EMC3: variants seen among roughly 807,000 people sequenced by gnomAD.
EMC3 encodes the protein ER membrane protein complex subunit 3, also known as 30 kDa protein.
Under a neutral mutation model 36.6 loss-of-function variants are expected in EMC3, and 13 were observed. The observed-to-expected ratio is 0.35, with a 90% CI of 0.23 to 0.56. EMC3 has a LOEUF of 0.56. Ranked by LOEUF, EMC3 falls within the 20% of genes least tolerant of loss-of-function variation. The probability of loss-of-function intolerance (pLI) is 0.84; values close to 1 mark genes in which losing one functional copy is unlikely to be tolerated. For synonymous variants in EMC3, 120 were observed against 111.9 expected (o/e 1.07, Z -0.46); for missense variants, 220 against 324.5 (o/e 0.68, Z 2.47).
At chr3:9,998,418 A>G (rs780725559) in intron 1 of EMC3, among the ~76,000 whole-genome samples, 11 of 143,150 alleles carry the variant, frequency 7.7e-5, no homozygotes, top group Non-Finnish European at 1.1e-4. Context: ...TTTTGCTTTT[A>G]ATGAATTAAT....
intron 1 of EMC3, among the ~76,000 whole-genome samples, chr3:9,992,299 A>G (rs1575692835): frequency 6.6e-6 from 1 of 150,836 alleles, no homozygotes; most frequent in Non-Finnish European, 1.5e-5. Flanking sequence ...TTTTTTTTGT[A>G]TTTTTTAGTA....
chr3:9,997,388 A>G (rs2086139695), intron 1 of EMC3, among the ~76,000 whole-genome samples: 1 of 151,864 alleles, frequency 6.6e-6, no homozygotes, highest in Admixed American at 6.6e-5. Flanking sequence ...TTCAAGGTTC[A>G]TGTATGTTGT....
intron 3 of EMC3, among the ~76,000 whole-genome samples, chr3:9,975,587 C>A (rs1985124): frequency 6.6e-6 from 1 of 151,294 alleles, no homozygotes; most frequent in Admixed American, 6.6e-5. Flanking sequence ...CCAAGGCGGG[C>A]GGATCACGAG....
At chr3:9,988,266 G>T (rs2086002664), upstream of EMC3, 2 of 637,366 alleles carry the variant, frequency 3.1e-6, no homozygotes, top group South Asian at 3.3e-5. Context: ...TATACATGAG[G>T]TTGTCATTTA....
chr3:9,984,548 C>A (rs528271123), intron 1 of EMC3, among the ~76,000 whole-genome samples: 1 of 151,634 alleles, frequency 6.6e-6, no homozygotes. Flanking sequence ...CAGCATACCA[C>A]GCTCAGCTAA....
chr3:9,969,341 T>C, intron 7 of EMC3: 1 of 1,110,996 alleles, frequency 9.0e-7, no homozygotes, highest in Non-Finnish European at 1.1e-6. Flanking sequence ...TTTTGCAAAT[T>C]CTAGAACCTT....
At chr3:9,991,704 T>G (rs747667093), upstream of EMC3, among the ~76,000 whole-genome samples, 1 of 152,126 alleles carries the variant, frequency 6.6e-6, no homozygotes, top group South Asian at 2.1e-4. Context: ...CAGGCTGCTG[T>G]TTTTTCCACT....
intron 1 of EMC3, chr3:9,992,744 A>G (rs567268396): frequency 1.6e-6 from 1 of 643,084 alleles, no homozygotes; most frequent in Admixed American, 3.1e-5. Flanking sequence ...AAAAGTGTAG[A>G]TACTACCAGG....
At chr3:10,001,432 G>T (rs1213924211) in intron 1 of EMC3, among the ~76,000 whole-genome samples, 1 of 146,826 alleles carries the variant, frequency 6.8e-6, no homozygotes. Flanking sequence ...AAAAAAATTA[G>T]CCGGGTGTGG....
chr3:9,985,318 T>C (rs1210608613), intron 1 of EMC3, among the ~76,000 whole-genome samples: 1 of 152,242 alleles, frequency 6.6e-6, no homozygotes, highest in African/African-American at 2.4e-5. Context: ...GTTCTTAGCC[T>C]GAGGCTTACT....
chr3:9,990,350 T>A (rs1420746401), upstream of EMC3, among the ~76,000 whole-genome samples: 1 of 143,976 alleles, frequency 6.9e-6, no homozygotes, highest in Non-Finnish European at 1.5e-5. Context: ...TTTTTTTTTT[T>A]AAGAGACTAA....
intron 7 of EMC3, among the ~76,000 whole-genome samples, chr3:9,965,607 A>G (rs2085730241): frequency 6.6e-6 from 1 of 152,192 alleles, no homozygotes; most frequent in African/African-American, 2.4e-5. Context: ...ACCACTATCT[A>G]ATTGCAGAAC....
intron 1 of EMC3, chr3:10,006,292 C>T (rs895820760): frequency 2.0e-5 from 3 of 152,202 alleles, no homozygotes; most frequent in African/African-American, 7.2e-5. Context: ...AGATAGATGC[C>T]TTTGCATACT....
At chr3:9,992,180 G>A (rs924659976) in intron 1 of EMC3, among the ~76,000 whole-genome samples, 5 of 152,078 alleles carry the variant, frequency 3.3e-5, no homozygotes, top group Admixed American at 3.3e-4. Flanking sequence ...GAGTGCAGTG[G>A]CACAATCTCG....
intron 7 of EMC3, among the ~76,000 whole-genome samples, chr3:9,967,357 C>T (rs1466956598): frequency 1.3e-5 from 1 of 75,218 alleles, no homozygotes; most frequent in South Asian, 3.1e-4. Flanking sequence ...CACTAACATG[C>T]CTGTTGAACC....
At chr3:9,997,362 G>A (rs1428912960) in intron 1 of EMC3, among the ~76,000 whole-genome samples, 1 of 151,898 alleles carries the variant, frequency 6.6e-6, no homozygotes, top group Admixed American at 6.6e-5. Flanking sequence ...GTGCCGCCAC[G>A]CCCAGCCAGC....
At chr3:10,004,357 G>C (rs997562547) in intron 1 of EMC3, 2 of 152,154 alleles carry the variant, frequency 1.3e-5, no homozygotes, top group Admixed American at 6.5e-5. Context: ...CCCAGCTTTT[G>C]GTGGCCATGG....
chr3:9,980,400 C>G (rs2085897204), intron 1 of EMC3, among the ~76,000 whole-genome samples: 2 of 149,684 alleles, frequency 1.3e-5, no homozygotes, highest in Admixed American at 1.3e-4. Context: ...GGGTCTTACT[C>G]TGTTGTCCAG....
chr3:9,998,549 C>G (rs2086158607), intron 1 of EMC3, among the ~76,000 whole-genome samples: 1 of 151,710 alleles, frequency 6.6e-6, no homozygotes, highest in African/African-American at 2.4e-5. Context: ...CCCTCCTCAG[C>G]CTCTTGAGTA....
Sources: gnomAD v4.1 joint callset for allele counts (sites outside exome capture counted in the v4.1 genomes callset) on GRCh38, gnomAD v4.1.1 for gene constraint, MANE v1.5 for transcripts, NCBI Gene and HGNC (gene_info 2026-07-23, HGNC 2026-07-21) for gene names.